SYT1: variants seen among roughly 807,000 people sequenced by gnomAD.
The protein encoded by SYT1 is synaptotagmin 1.
In SYT1, 8 loss-of-function variants were observed where a neutral mutation model predicts 44.8. The observed-to-expected ratio is 0.18, with a 90% CI of 0.10 to 0.32. The LOEUF (loss-of-function observed/expected upper bound fraction) is 0.32. SYT1 is among the 10% of genes least tolerant of loss of function. SYT1 has a pLI of 1.00. For missense variants in SYT1, 286 were observed against 509.3 expected (o/e 0.56, Z 4.22); for synonymous variants, 154 against 188.8 (o/e 0.82, Z 1.51).
chr12:79,437,371 C>T (rs567509381), intron 9 of SYT1, among the ~76,000 whole-genome samples: 28 of 152,086 alleles, frequency 1.8e-4, no homozygotes, highest in African/African-American at 5.8e-4. Context: ...AGAGAAACAA[C>T]GTGAAGGTAA....
intron 2 of SYT1, among the ~76,000 whole-genome samples, chr12:78,990,210 T>A (rs1050000009): frequency 6.6e-6 from 1 of 152,150 alleles, no homozygotes; most frequent in African/African-American, 2.4e-5. Context: ...GAGGGCTTAA[T>A]GGGTATTAAT....
chr12:79,003,092 CTA>C (rs1870847923), intron 2 of SYT1, among the ~76,000 whole-genome samples: 1 of 152,012 alleles, frequency 6.6e-6, no homozygotes, highest in Non-Finnish European at 1.5e-5. Flanking sequence ...CCCAAAGAAT[CTA>C]TAGGGAGAGT....
intron 8 of SYT1, among the ~76,000 whole-genome samples, chr12:79,349,874 G>A (rs1280596184): frequency 1.3e-5 from 2 of 152,158 alleles, no homozygotes; most frequent in East Asian, 1.9e-4. Flanking sequence ...AGAGTTTGAT[G>A]TAAAACTGTT....
chr12:79,005,536 A>G (rs1565758889), intron 2 of SYT1, among the ~76,000 whole-genome samples: 3 of 152,074 alleles, frequency 2.0e-5, no homozygotes, highest in Non-Finnish European at 2.9e-5. Flanking sequence ...TAGTATATGT[A>G]AAACACTTAA....
intron 4 of SYT1, among the ~76,000 whole-genome samples, chr12:79,284,869 A>T (rs1284571815): frequency 6.6e-6 from 1 of 151,888 alleles, no homozygotes; most frequent in Non-Finnish European, 1.5e-5. Context: ...GATAGCTAAC[A>T]TTAATTGAGC....
At chr12:79,266,098 G>A (rs948684096) in intron 4 of SYT1, among the ~76,000 whole-genome samples, 1 of 152,122 alleles carries the variant, frequency 6.6e-6, no homozygotes, top group Non-Finnish European at 1.5e-5. Context: ...AATATTTGAA[G>A]AAAGCTTTCT....
chr12:79,306,140 T>C (rs968896997), intron 8 of SYT1, among the ~76,000 whole-genome samples: 2 of 152,232 alleles, frequency 1.3e-5, no homozygotes, highest in African/African-American at 4.8e-5. Flanking sequence ...GCCCAGCACA[T>C]TGCACTGTGA....
At chr12:79,080,931 A>G (rs2137949851) in intron 3 of SYT1, among the ~76,000 whole-genome samples, 1 of 152,252 alleles carries the variant, frequency 6.6e-6, no homozygotes, top group Middle Eastern at 3.4e-3. Flanking sequence ...TACAGCCAAG[A>G]CATGGGTTTA....
At chr12:79,209,587 G>A (rs1874320953) in intron 3 of SYT1, among the ~76,000 whole-genome samples, 1 of 152,200 alleles carries the variant, frequency 6.6e-6, no homozygotes, top group Admixed American at 6.5e-5. Flanking sequence ...TGGGTAAGGG[G>A]GTTTAACCTT....
At chr12:79,252,369 T>C (rs1161719217) in intron 4 of SYT1, among the ~76,000 whole-genome samples, 3 of 152,182 alleles carry the variant, frequency 2.0e-5, no homozygotes, top group Non-Finnish European at 4.4e-5. Flanking sequence ...ATACATTCAC[T>C]GCAAGTAACA....
intron 8 of SYT1, among the ~76,000 whole-genome samples, chr12:79,310,723 T>C (rs1194432248): frequency 2.0e-5 from 3 of 152,214 alleles, no homozygotes; most frequent in East Asian, 1.9e-4. Context: ...CTTGAAGAGG[T>C]CCTTCACGTC....
intron 3 of SYT1, among the ~76,000 whole-genome samples, chr12:79,156,442 C>A (rs571301962): frequency 1.4e-4 from 20 of 142,014 alleles, no homozygotes; most frequent in South Asian, 8.9e-4. Flanking sequence ...GTTGTTGCTG[C>A]TGTTGTTGTT....
intron 1 of SYT1, among the ~76,000 whole-genome samples, chr12:78,945,554 C>T (rs1878609923): frequency 6.6e-6 from 1 of 151,318 alleles, no homozygotes; most frequent in South Asian, 2.1e-4. Context: ...TGTGATTAGG[C>T]AAATGTTTTC....
At chr12:79,224,536 A>G (rs1432267341) in intron 4 of SYT1, among the ~76,000 whole-genome samples, 2 of 152,056 alleles carry the variant, frequency 1.3e-5, no homozygotes, top group South Asian at 2.1e-4. Context: ...CTGGAAGAGC[A>G]AGAAGCCCAG....
Position 78,885,957 on chromosome 12 carries a change from C to T in SYT1, c.-217+20848C>T, listed in dbSNP as rs549367545. Among the ~76,000 whole-genome samples the T allele has an allele frequency of 3.1e-4, 47 of 152,024 alleles. No individual in the cohort carries two copies. In the South Asian group the frequency reaches 5.0e-3, roughly 16 times the overall value. The stretch of plus-strand genomic sequence containing the variant: ...TTATGTATTTCCTAGATTTTGTGAC[C>T]TCTAAGTACATTAAGATAGCAGTGG... On this transcript the variant is annotated intron_variant, in intron 1 of 10. Coordinates refer to ENST00000261205, the MANE Select transcript of SYT1 (RefSeq NM_005639.3).
At chr12:79,328,539 C>T (rs1565910625) in intron 8 of SYT1, among the ~76,000 whole-genome samples, 1 of 152,130 alleles carries the variant, frequency 6.6e-6, no homozygotes, top group South Asian at 2.1e-4. Flanking sequence ...TCTTTACCAA[C>T]CTAACACTTC....
intron 4 of SYT1, among the ~76,000 whole-genome samples, chr12:79,229,107 C>A (rs182487670): frequency 6.6e-6 from 1 of 152,328 alleles, no homozygotes; most frequent in Non-Finnish European, 1.5e-5. Flanking sequence ...AAGTGTCTGA[C>A]ACCAAAGGCA....
rs942470048 is a variant in SYT1 at position 79,335,325 on chromosome 12, G to A, written c.811-18177G>A. ...TTGTCTGTTTTTCCAGCCTTTCCTCGTATTTCTTCTGTGTGTTCTTATGCC... is the reference window on the plus strand; with the variant it reads ...TTGTCTGTTTTTCCAGCCTTTCCTCATATTTCTTCTGTGTGTTCTTATGCC... On this transcript the variant is annotated intron_variant, in intron 8 of 10. Coordinates refer to ENST00000261205, the MANE Select transcript of SYT1 (RefSeq NM_005639.3). Among the ~76,000 whole-genome samples the A allele has an allele frequency of 1.1e-3, 166 of 150,246 alleles. 1 individual carries two copies. The highest frequency in any genetic ancestry group is 4.4e-4 in the Non-Finnish European group (30 of 67,750).
At chr12:79,420,897 T>C (rs1565950511) in intron 9 of SYT1, among the ~76,000 whole-genome samples, 2 of 152,216 alleles carry the variant, frequency 1.3e-5, no homozygotes, top group East Asian at 3.9e-4. Context: ...AAAAAAAAAG[T>C]GTTCAGCTTC....
Sources: allele counts gnomAD v4.1 joint callset (sites outside exome capture counted in the v4.1 genomes callset), GRCh38; gene constraint gnomAD v4.1.1; transcripts MANE v1.5; gene names NCBI Gene and HGNC (gene_info 2026-07-23, HGNC 2026-07-21).